SLC2A9: variants seen among roughly 807,000 people sequenced by gnomAD.
SLC2A9 encodes solute carrier family 2, facilitated glucose transporter member 9.
SLC2A9 carries 39 observed loss-of-function variants against 50.6 expected under a neutral mutation model. The ratio of observed to expected loss-of-function variants is 0.77; its 90% CI spans 0.60 to 1.01. SLC2A9 has a LOEUF of 1.01. Among genes scored for constraint, SLC2A9 ranks in the 50% least tolerant of loss-of-function variants. The pLI is 0.00. For missense variants in SLC2A9, 686 were observed against 677.6 expected, an observed-to-expected ratio of 1.01 and a Z score of -0.14; for synonymous variants, 324 against 276.9, an observed-to-expected ratio of 1.17 and a Z score of -1.69.
chr4:9,831,263 T>C (rs1726099518), intron 11 of SLC2A9, among the ~76,000 whole-genome samples: 1 of 152,050 alleles, frequency 6.6e-6, no homozygotes, highest in Admixed American at 6.5e-5. Context: ...CACCTCAGGA[T>C]GTGATTAAGT....
At chr4:9,921,582 C>T (rs140496959) in intron 6 of SLC2A9, among the ~76,000 whole-genome samples, 1 of 152,374 alleles carries the variant, frequency 6.6e-6, no homozygotes, top group Non-Finnish European at 1.5e-5. Flanking sequence ...TAAGCAAATG[C>T]CATTAAACTT....
intron 5 of SLC2A9, among the ~76,000 whole-genome samples, chr4:9,958,107 G>A (rs1334470748): frequency 6.6e-6 from 1 of 152,152 alleles, no homozygotes; most frequent in Non-Finnish European, 1.5e-5. Context: ...GATGCTACAG[G>A]ACACTGAAGC....
chr4:9,856,245 A>G (rs954581488), intron 10 of SLC2A9, among the ~76,000 whole-genome samples: 1 of 152,220 alleles, frequency 6.6e-6, no homozygotes, highest in Admixed American at 6.5e-5. Context: ...CAGAACCTGT[A>G]AGGAACTTAA....
intron 2 of SLC2A9, among the ~76,000 whole-genome samples, chr4:9,999,955 C>T (rs760992634): frequency 1.3e-4 from 20 of 151,982 alleles, no homozygotes; most frequent in Non-Finnish European, 2.6e-4. Context: ...GTGATTGGCT[C>T]CAGGTTTGAG....
At chr4:9,817,384 C>T (rs1461432585) in intron 3 of SLC2A9, among the ~76,000 whole-genome samples, 1 of 152,196 alleles carries the variant, frequency 6.6e-6, no homozygotes, top group Non-Finnish European at 1.5e-5. Flanking sequence ...ACGTATGTGC[C>T]AGGTACTATG....
At chr4:9,831,808 G>A (rs1340819325) in intron 11 of SLC2A9, among the ~76,000 whole-genome samples, 1 of 152,244 alleles carries the variant, frequency 6.6e-6, no homozygotes, top group African/African-American at 2.4e-5. Flanking sequence ...GTGTGAGTGA[G>A]CTTCTCATGA....
At chr4:9,920,940 A>G (rs1321802858) in intron 6 of SLC2A9, among the ~76,000 whole-genome samples, 1 of 152,176 alleles carries the variant, frequency 6.6e-6, no homozygotes, top group Non-Finnish European at 1.5e-5. Flanking sequence ...GGCTGTTGTA[A>G]TAATTGCATG....
chr4:9,902,394 T>C (rs1392445642), intron 8 of SLC2A9, among the ~76,000 whole-genome samples: 2 of 152,226 alleles, frequency 1.3e-5, no homozygotes, highest in Non-Finnish European at 1.5e-5. Flanking sequence ...GCTCGTCTTC[T>C]AGTCTTTGAG....
intron 3 of SLC2A9, among the ~76,000 whole-genome samples, chr4:9,780,510 G>A (rs182414296): frequency 7.0e-4 from 106 of 152,330 alleles, no homozygotes; most frequent in Non-Finnish European, 8.8e-4. Context: ...ACTTGCAGAT[G>A]TTGGTCCAGG....
intron 3 of SLC2A9, 39 bp downstream of exon 3, chr4:9,996,742 A>G: frequency 1.2e-6 from 2 of 1,609,408 alleles, no homozygotes; most frequent in Non-Finnish European, 8.5e-7. Flanking sequence ...TATTATGAAC[A>G]TGGAGGGCAC....
chr4:9,951,900 G>C (rs1304817131), intron 5 of SLC2A9, among the ~76,000 whole-genome samples: 1 of 152,254 alleles, frequency 6.6e-6, no homozygotes, highest in Non-Finnish European at 1.5e-5. Flanking sequence ...CAGAATTAGA[G>C]TAGGTATCAA....
intron 10 of SLC2A9, among the ~76,000 whole-genome samples, chr4:9,876,574 G>C (rs1242404382): frequency 6.6e-6 from 1 of 152,034 alleles, no homozygotes; most frequent in Non-Finnish European, 1.5e-5. Context: ...CTGGGTGACA[G>C]AGCGAGACCC....
intron 3 of SLC2A9, among the ~76,000 whole-genome samples, chr4:9,804,723 C>T (rs1308765560): frequency 6.6e-6 from 1 of 152,180 alleles, no homozygotes; most frequent in Non-Finnish European, 1.5e-5. Context: ...CTACAGTCTT[C>T]AAGAGTTGCA....
intron 3 of SLC2A9, among the ~76,000 whole-genome samples, chr4:9,992,474 T>C (rs1424321923): frequency 6.6e-6 from 1 of 152,216 alleles, no homozygotes; most frequent in Non-Finnish European, 1.5e-5. Flanking sequence ...AAACATCTCC[T>C]GGCATTGTCA....
chr4:9,947,036 G>A (rs1009984515), intron 5 of SLC2A9, among the ~76,000 whole-genome samples: 3 of 152,184 alleles, frequency 2.0e-5, no homozygotes, highest in African/African-American at 7.2e-5. Context: ...GAGCTGGGGT[G>A]GGAGGTAGAT....
intron 3 of SLC2A9, among the ~76,000 whole-genome samples, chr4:9,818,202 A>G (rs1024237526): frequency 4.6e-5 from 7 of 150,788 alleles, no homozygotes; most frequent in Non-Finnish European, 7.4e-5. Context: ...TCCATCTGAC[A>G]CGCTGTATGG....
At chr4:10,039,581 T>A (rs956974289) in intron 1 of SLC2A9, among the ~76,000 whole-genome samples, 28 of 152,282 alleles carry the variant, frequency 1.8e-4, no homozygotes, top group African/African-American at 6.5e-4. Flanking sequence ...CTGCCTTCCT[T>A]CTCCTGGATC....
chr4:9,799,692 A>ACCCCCACCCCCCCCCCCCCCCC (rs1721082696), intron 3 of SLC2A9, among the ~76,000 whole-genome samples: 1 of 69,810 alleles, frequency 1.4e-5, no homozygotes, highest in African/African-American at 5.7e-5. Context: ...TTCCAATTGT[A>ACCCCCACCCCCCCCCCCCCCCC]CCCCCCCCCC....
chr4:9,941,914 T>C lies in SLC2A9; in HGVS notation c.813A>G (p.Lys271=). 1 of 1,614,020 alleles carries C rather than the reference T, an allele frequency of 6.2e-7. No individual in the cohort carries two copies. Among genetic ancestry groups the C allele is most frequent in the Non-Finnish European group, 8.5e-7 (1 of 1,179,930 alleles). ...TGCAGGAAAGGGAAGGGCCCTCACCTTTCACAGCTCTTGCCTCGTTGTGCT... is the reference window on the plus strand; with the variant it reads ...TGCAGGAAAGGGAAGGGCCCTCACCCTTCACAGCTCTTGCCTCGTTGTGCT... ...LEKHNEARAV[K]AFQTFLGKAD... Residue 271 remains lysine (K), a splice_region_variant and synonymous_variant, in exon 6 of 12, where the codon AAA becomes AAG. Coordinates refer to ENST00000264784, the MANE Select transcript of SLC2A9 (RefSeq NM_020041.3).
Sources: gnomAD v4.1 joint callset for allele counts (sites outside exome capture counted in the v4.1 genomes callset) on GRCh38, gnomAD v4.1.1 for gene constraint, MANE v1.5 for transcripts, NCBI Gene and HGNC (gene_info 2026-07-23, HGNC 2026-07-21) for gene names.